The following CLOCK variants were observed in gnomAD, a reference collection of about 807,000 sequenced individuals.
CLOCK encodes the protein clock circadian regulator, also known as circadian locomoter output cycles protein kaput.
Under a neutral mutation model 118.4 loss-of-function variants are expected in CLOCK, and 43 were observed. That is an observed-to-expected ratio of 0.36 (90% CI 0.28 to 0.47). CLOCK has a LOEUF of 0.47. Ranked by LOEUF, CLOCK falls within the 20% of genes least tolerant of loss-of-function variation. The probability of loss-of-function intolerance (pLI) is 1.00; values close to 1 mark genes in which losing one functional copy is unlikely to be tolerated. For missense variants in CLOCK, 846 were observed against 999.9 expected (o/e 0.85, Z 2.08); for synonymous variants, 326 against 339.2 (o/e 0.96, Z 0.43).
At position 55,449,385 on chromosome 4, in the gene CLOCK, A is replaced by C. The variant is rs757587614; in HGVS notation, c.1449+11T>G. The C allele has an allele frequency of 6.2e-7, 1 of 1,604,968 alleles. No individual in the cohort carries two copies. Among genetic ancestry groups the C allele is most frequent in the South Asian group, 1.1e-5 (1 of 90,908 alleles). ...ATCTTTATTCAGAAGAATATCCACTAAAGAGCTTACCTGACTACTAAATGA... is the reference window on the plus strand; with the variant it reads ...ATCTTTATTCAGAAGAATATCCACTCAAGAGCTTACCTGACTACTAAATGA... On this transcript the variant is annotated intron_variant, in intron 17 of 22. Transcript: ENST00000513440.
rs552533430 is a variant in CLOCK, at chr4:55,481,440, A to C, written c.47+1299T>G. ...TCTAGAATGGGAAAAGCATAATGCCAAATTCATATTTTATCCATCAAAGGC... is the reference window on the plus strand; with the variant it reads ...TCTAGAATGGGAAAAGCATAATGCCCAATTCATATTTTATCCATCAAAGGC... On this transcript the variant is annotated intron_variant, in intron 4 of 22. Transcript: ENST00000513440. Among the ~76,000 whole-genome samples the C allele has an allele frequency of 3.3e-5, 5 of 152,328 alleles. No individual in the cohort carries two copies. In the East Asian group the frequency reaches 9.6e-4, roughly 29 times the overall value.
intron 1 of CLOCK, among the ~76,000 whole-genome samples, chr4:55,543,342 A>G (rs971652163): frequency 4.6e-5 from 7 of 152,194 alleles, no homozygotes; most frequent in African/African-American, 1.7e-4. Flanking sequence ...GCTCCAAGTC[A>G]TGTCCCTGTC....
chr4:55,536,865 T>C (rs910300417), intron 1 of CLOCK, among the ~76,000 whole-genome samples: 14 of 152,226 alleles, frequency 9.2e-5, no homozygotes, highest in South Asian at 2.1e-4. Context: ...TAAAAAATTA[T>C]GAGACATAAA....
intron 8 of CLOCK, among the ~76,000 whole-genome samples, chr4:55,470,141 T>G (rs974938078): frequency 1.3e-5 from 2 of 152,204 alleles, no homozygotes; most frequent in Admixed American, 6.5e-5. Context: ...TACAGTACTG[T>G]CTTAGTCCTT....
At chr4:55,496,995 G>A in intron 2 of CLOCK, among the ~76,000 whole-genome samples, 1 of 152,154 alleles carries the variant, frequency 6.6e-6, no homozygotes, top group Admixed American at 6.5e-5. Flanking sequence ...GTGAAAAACT[G>A]AAGAGGTACT....
intron 1 of CLOCK, chr4:55,545,513 T>C (rs1331941672): frequency 6.6e-6 from 1 of 152,238 alleles, no homozygotes; most frequent in Non-Finnish European, 1.5e-5. Flanking sequence ...TTACTTCTTG[T>C]GCTTTTCTTC....
intron 2 of CLOCK, among the ~76,000 whole-genome samples, chr4:55,505,788 T>C (rs78821722): frequency 0.015 from 2,220 of 150,242 alleles, 112 homozygotes; most frequent in African/African-American, 0.052. Flanking sequence ...TAAGAATAGT[T>C]CAAAGAGCTT....
intron 13 of CLOCK, among the ~76,000 whole-genome samples, chr4:55,454,130 CAATA>C (rs1350121673): frequency 6.6e-6 from 1 of 152,086 alleles, no homozygotes; most frequent in Non-Finnish European, 1.5e-5. Context: ...AGGGTAATAA[CAATA>C]AATAATCACC....
rs1355812672 is a variant in CLOCK, at chr4:55,430,154, A to G, written c.*5261T>C. 3 of 152,208 alleles carry G rather than the reference A, an allele frequency of 2.0e-5. No individual in the cohort carries two copies. The highest frequency in any genetic ancestry group is 6.5e-5 in the Admixed American group (1 of 15,282). The allele number at this position is 152,208 out of a possible 1,614,324, so 9.4% of individuals were successfully genotyped here. On this transcript the variant is annotated 3_prime_UTR_variant, in exon 23 of 23. Coordinates refer to ENST00000513440, the MANE Select transcript of CLOCK (RefSeq NM_004898.4). Reference sequence around the variant, plus strand: ...CAATTGCTTCTTTGAACCCCTTTCTAAATTCTTTCATAAATACTTACTAGT... The same window carrying G: ...CAATTGCTTCTTTGAACCCCTTTCTGAATTCTTTCATAAATACTTACTAGT...
At chr4:55,496,298 T>C (rs192799013) in intron 2 of CLOCK, among the ~76,000 whole-genome samples, 2 of 152,100 alleles carry the variant, frequency 1.3e-5, no homozygotes, top group South Asian at 2.1e-4. Flanking sequence ...CAGCTCATAA[T>C]CTTTGTTGGA....
intron 3 of CLOCK, among the ~76,000 whole-genome samples, chr4:55,487,280 C>T (rs1442960842): frequency 6.6e-6 from 1 of 152,110 alleles, no homozygotes; most frequent in Non-Finnish European, 1.5e-5. Context: ...CAGCTGTCTA[C>T]TGATCTCTGA....
chr4:55,538,554 C>T (rs1195923615), intron 1 of CLOCK, among the ~76,000 whole-genome samples: 1 of 151,902 alleles, frequency 6.6e-6, no homozygotes, highest in Non-Finnish European at 1.5e-5. Context: ...TTTTTTTCAA[C>T]ATGTGGAACA....
intron 1 of CLOCK, among the ~76,000 whole-genome samples, chr4:55,510,632 A>ATT (rs750141462): frequency 0.25 from 31,770 of 129,350 alleles, 3,957 homozygotes; most frequent in East Asian, 0.48. Context: ...GTCTTTTTAA[A>ATT]AAAAAAAAAA....
chr4:55,513,539 C>T (rs890004561), intron 1 of CLOCK, among the ~76,000 whole-genome samples: 3 of 152,100 alleles, frequency 2.0e-5, no homozygotes, highest in African/African-American at 7.2e-5. Flanking sequence ...TACCACACTG[C>T]TTGATGACTG....
At chr4:55,523,864 C>A (rs1560476847) in intron 1 of CLOCK, among the ~76,000 whole-genome samples, 1 of 152,076 alleles carries the variant, frequency 6.6e-6, no homozygotes, top group Non-Finnish European at 1.5e-5. Context: ...AGAGTGGATA[C>A]CATCTTTTTT....
chr4:55,483,579 G>T (rs1317462492), intron 3 of CLOCK, among the ~76,000 whole-genome samples: 9 of 152,154 alleles, frequency 5.9e-5, no homozygotes, highest in Non-Finnish European at 7.4e-5. Context: ...GAAGCAACAG[G>T]CTGGAGGACA....
At chr4:55,458,024 T>C (rs927487140) in intron 11 of CLOCK, among the ~76,000 whole-genome samples, 3 of 152,184 alleles carry the variant, frequency 2.0e-5, no homozygotes, top group Admixed American at 1.3e-4. Context: ...CAAGCAAGAC[T>C]GGCTTAAGAT....
intron 1 of CLOCK, among the ~76,000 whole-genome samples, chr4:55,513,011 G>A (rs10462035): frequency 0.69 from 104,706 of 151,940 alleles, 36,339 homozygotes; most frequent in South Asian, 0.81. Flanking sequence ...TAATGCAATT[G>A]CTTTTTAAAT....
intron 1 of CLOCK, among the ~76,000 whole-genome samples, chr4:55,530,647 C>T (rs1291900090): frequency 2.6e-5 from 4 of 151,638 alleles, no homozygotes; most frequent in East Asian, 1.9e-4. Flanking sequence ...TGGTGGCAAA[C>T]GCCTGTAATC....
Sources: gnomAD v4.1 joint callset for allele counts (sites outside exome capture counted in the v4.1 genomes callset) on GRCh38, gnomAD v4.1.1 for gene constraint, MANE v1.5 for transcripts, NCBI Gene and HGNC (gene_info 2026-07-23, HGNC 2026-07-21) for gene names.